The following PPARGC1B variants were observed in gnomAD, a reference collection of about 807,000 sequenced individuals.
PPARGC1B encodes the protein PPARG coactivator 1 beta.
A neutral mutation model predicts 101.6 loss-of-function variants in PPARGC1B; 34 were observed. The ratio of observed to expected loss-of-function variants is 0.33; its 90% CI spans 0.25 to 0.45. The LOEUF is 0.45. PPARGC1B is among the 20% of genes least tolerant of loss of function. The probability of loss-of-function intolerance (pLI) is 1.00; values close to 1 mark genes in which losing one functional copy is unlikely to be tolerated. For missense variants in PPARGC1B, 1,234 were observed against 1,317.6 expected (o/e 0.94, Z 0.98); for synonymous variants, 548 against 539.3 (o/e 1.02, Z -0.22).
chr5:149,730,378 A>C lies in PPARGC1B; in HGVS notation c.36A>C (p.Glu12Asp). Residue 12 changes from glutamate to aspartate, a missense_variant, in exon 1 of 12, where the codon GAA (glutamate) becomes GAC (aspartate). Glu to Asp is a conservative substitution (Grantham distance 45). Around this residue, in one of 3 missense-constraint regions of PPARGC1B, gnomAD observed 734 missense variants for 768.4 expected, o/e 0.96. Transcript: ENST00000309241. The surrounding 1 kb of genome is among the most constrained non-coding windows in gnomAD (Gnocchi z 4.0). ...ACGACTGCGGCGCGCTGCTGGACGA[A>C]GAGCTCTCCTCCTTCTTCCTCAACT... The part of the protein sequence containing the change: ...AGNDCGALLD[E>D]ELSSFFLNYL... 1.3e-6 allele frequency: 2 copies of C among 1,575,186 alleles called. No individual in the cohort carries two copies. Among genetic ancestry groups the C allele is most frequent in the South Asian group, 1.2e-5 (1 of 84,974 alleles).
At chr5:149,816,370 C>T (rs970164857) in intron 1 of PPARGC1B, among the ~76,000 whole-genome samples, 10 of 152,310 alleles carry the variant, frequency 6.6e-5, no homozygotes, top group African/African-American at 1.7e-4. Flanking sequence ...CGGATGACCC[C>T]GAACAAATCC....
rs1757117087 is a variant in PPARGC1B, at chr5:149,794,039, A to G, written c.79-26394A>G. On this transcript the variant is annotated intron_variant, in intron 1 of 11. Transcript: ENST00000309241. The stretch of plus-strand genomic sequence containing the variant: ...ATGTGTTGTCTGTGGCTGCTTTTGC[A>G]CCACAGAGTTGAGAAGTCATAGCAG... Among the ~76,000 whole-genome samples, 3 of 152,198 alleles carry G rather than the reference A, an allele frequency of 2.0e-5. No homozygotes were observed. In the South Asian group the frequency reaches 6.2e-4, roughly 32 times the overall value.
chr5:149,805,533 G>A (rs951647701), intron 1 of PPARGC1B, among the ~76,000 whole-genome samples: 1 of 152,064 alleles, frequency 6.6e-6, no homozygotes, highest in Non-Finnish European at 1.5e-5. Flanking sequence ...TCTGCCTCCC[G>A]GGTTCAAGCG....
rs553629682 is a variant in PPARGC1B at position 149,765,967 on chromosome 5, A to G, written c.78+35547A>G. Among the ~76,000 whole-genome samples, 157 of 152,328 alleles carry G rather than the reference A, an allele frequency of 1.0e-3. 2 individuals carry two copies. Among genetic ancestry groups the G allele is most frequent in the Middle Eastern group, 3.4e-3 (1 of 294 alleles). On this transcript the variant is annotated intron_variant, in intron 1 of 11. Transcript: ENST00000309241. ...TAAAGTACTTGACAATACCTGGCAC[A>G]TAGTAATTGCCCAGTTTATTTAAGG...
chr5:149,783,085 G>C (rs983128788), intron 1 of PPARGC1B, among the ~76,000 whole-genome samples: 4 of 94,412 alleles, frequency 4.2e-5, no homozygotes, highest in Non-Finnish European at 8.1e-5. Context: ...ACTGGAATGA[G>C]AGATAAAGAG....
intron 1 of PPARGC1B, among the ~76,000 whole-genome samples, chr5:149,733,722 C>T (rs1198738197): frequency 6.6e-6 from 1 of 152,106 alleles, no homozygotes; most frequent in Non-Finnish European, 1.5e-5. Context: ...CAGAGGGCTG[C>T]AGCTGTGGGC....
chr5:149,771,910 C>T (rs1005650353), intron 1 of PPARGC1B: 37 of 908,392 alleles, frequency 4.1e-5, no homozygotes, highest in Admixed American at 6.9e-5. Context: ...TGTCACTGAA[C>T]GTTGTCCCCA....
At chr5:149,827,752 TAGC>T (rs1328431408) in intron 3 of PPARGC1B, among the ~76,000 whole-genome samples, 72 of 152,344 alleles carry the variant, frequency 4.7e-4, no homozygotes, top group Non-Finnish European at 1.0e-4. Flanking sequence ...GCACATGGAA[TAGC>T]AGCTTTCTAG....
chr5:149,807,347 G>T (rs527923794), intron 1 of PPARGC1B, among the ~76,000 whole-genome samples: 1 of 151,930 alleles, frequency 6.6e-6, no homozygotes, highest in Non-Finnish European at 1.5e-5. Context: ...GAATTTTGAG[G>T]AAATCCCACA....
rs530417741 is a variant in PPARGC1B, at chr5:149,732,005, G to T, written c.78+1585G>T. Among the ~76,000 whole-genome samples the T allele has an allele frequency of 2.0e-5, 3 of 152,122 alleles. No homozygotes were observed. The East Asian group carries it at 5.9e-4, about 30-fold the overall frequency. On this transcript the variant is annotated intron_variant, in intron 1 of 11. Transcript: ENST00000309241. ...CTAGTGGCGTGTGATTGCGCTTCTC[G>T]AGATCGAGGGGAATGTGTGATGAGC...
At position 149,852,947 on chromosome 5, in the gene PPARGC1B, A is replaced by G. The variant is rs1759820713; in HGVS notation, c.*5389A>G. ...GCTTTGCACATCCGGAAGGAGTACA[A>G]AAATCCAACTGCCCAAATTTGGGGC... is the stretch of plus-strand genomic sequence containing the variant. On this transcript the variant is annotated 3_prime_UTR_variant, in exon 12 of 12. Coordinates refer to ENST00000309241, the MANE Select transcript of PPARGC1B (RefSeq NM_133263.4). The G allele has an allele frequency of 6.6e-6, 1 of 152,294 alleles. No individual in the cohort carries two copies. The highest frequency in any genetic ancestry group is 2.1e-4 in the South Asian group (1 of 4,822). 9.4% of individuals were successfully genotyped at this position (152,294 alleles called of 1,614,324 possible).
Position 149,849,629 on chromosome 5 carries a change from T to C in PPARGC1B, c.*2071T>C, listed in dbSNP as rs1196514278. The C allele has an allele frequency of 6.6e-6, 1 of 152,252 alleles. No homozygotes were observed. Among genetic ancestry groups the C allele is most frequent in the Admixed American group, 6.5e-5 (1 of 15,294 alleles). The allele number at this position is 152,252 out of a possible 1,614,324, so 9.4% of individuals were successfully genotyped here. On this transcript the variant is annotated 3_prime_UTR_variant, in exon 12 of 12. Transcript: ENST00000309241. The stretch of plus-strand genomic sequence containing the variant: ...GTTCAATCTATTTGACATCTTGGGC[T>C]AATCTTTGGAAGGTTTCCAACAATC...
chr5:149,730,375 C>T lies in PPARGC1B; in HGVS notation c.33C>T (p.Asp11=), dbSNP rs990615937. Residue 11 remains aspartate (D), a synonymous_variant, in exon 1 of 12, where the codon GAC becomes GAT. Transcript: ENST00000309241. The surrounding 1 kb of genome is among the most constrained non-coding windows in gnomAD (Gnocchi z 4.0). Reference sequence around the variant, plus strand: ...GGAACGACTGCGGCGCGCTGCTGGACGAAGAGCTCTCCTCCTTCTTCCTCA... The same window carrying T: ...GGAACGACTGCGGCGCGCTGCTGGATGAAGAGCTCTCCTCCTTCTTCCTCA... The part of the protein sequence containing the change: MAGNDCGALL[D]EELSSFFLNY... The T allele has an allele frequency of 1.9e-6, 3 of 1,575,004 alleles. No homozygotes were observed. Among genetic ancestry groups the T allele is most frequent in the African/African-American group, 1.4e-5 (1 of 71,868 alleles).
Position 149,730,316 on chromosome 5 carries a change from G to A in PPARGC1B, c.-27G>A. ...CCCGGGCCGGCTCGGCGTTGACTCC[G>A]CCGCACGCTGCAGCCGCGGCTGGAA... On this transcript the variant is annotated 5_prime_UTR_variant, in exon 1 of 12. Coordinates refer to ENST00000309241, the MANE Select transcript of PPARGC1B (RefSeq NM_133263.4). This position sits in a 1 kb window ranked among gnomAD's most constrained non-coding sequence, Gnocchi z 4.0. 1 of 1,528,540 alleles carries A rather than the reference G, an allele frequency of 6.5e-7. No homozygotes were observed. Among genetic ancestry groups the A allele is most frequent in the Non-Finnish European group, 8.8e-7 (1 of 1,139,018 alleles). 94.7% of individuals were successfully genotyped at this position (1,528,540 alleles called of 1,614,324 possible). A position where few individuals can be genotyped will look rare whatever the true frequency, so the allele number is the denominator to read the frequency against.
chr5:149,835,431 A>C, intron 7 of PPARGC1B, 66 bp downstream of exon 7: 1 of 1,428,714 alleles, frequency 7.0e-7, no homozygotes, highest in South Asian at 1.2e-5. Context: ...TGAGTTTTTC[A>C]TCATGCATGG....
intron 1 of PPARGC1B, among the ~76,000 whole-genome samples, chr5:149,795,805 C>CT (rs201903889): frequency 1.0e-4 from 15 of 150,462 alleles, no homozygotes; most frequent in African/African-American, 1.5e-4. Flanking sequence ...GGATGATTAT[C>CT]TTTTTTTTTC....
downstream of PPARGC1B, among the ~76,000 whole-genome samples, chr5:149,855,361 A>G (rs569700505): frequency 2.6e-5 from 4 of 152,240 alleles, no homozygotes; most frequent in Admixed American, 6.5e-5. Context: ...CTCATCTCAC[A>G]TAACAGCTGT....
chr5:149,768,087 T>A (rs928768155), intron 1 of PPARGC1B, among the ~76,000 whole-genome samples: 4 of 152,132 alleles, frequency 2.6e-5, no homozygotes, highest in African/African-American at 9.6e-5. Context: ...CTTGTTTTGG[T>A]TGCTGTCGCT....
chr5:149,826,810 C>T lies in PPARGC1B; in HGVS notation c.390C>T (p.Ala130=), dbSNP rs1758542234. The T allele has an allele frequency of 1.2e-6, 2 of 1,613,794 alleles. No homozygotes were observed. The highest frequency in any genetic ancestry group is 1.3e-5 in the African/African-American group (1 of 74,922). Residue 130 remains alanine, a synonymous_variant, in exon 3 of 12, where the codon GCC becomes GCT. Transcript: ENST00000309241. ...DALSCTSASP[A]PSSAPPSPAP... is the part of the protein sequence containing the mutation. ...TATCATGCACCTCAGCTTCGCCTGCCCCCTCATCTGCACCCCCCAGCCCTG... is the reference window on the plus strand; with the variant it reads ...TATCATGCACCTCAGCTTCGCCTGCTCCCTCATCTGCACCCCCCAGCCCTG...
Sources: allele counts gnomAD v4.1 joint callset (sites outside exome capture counted in the v4.1 genomes callset), GRCh38; gene constraint gnomAD v4.1.1; regional missense constraint gnomAD v4.1.1; non-coding constraint Gnocchi (gnomAD v3.1); transcripts MANE v1.5; gene names NCBI Gene and HGNC (gene_info 2026-07-23, HGNC 2026-07-21).